Variants in SERINC5 observed in about 807,000 individuals in gnomAD.
SERINC5 encodes chromosome 5 open reading frame 12.
In SERINC5, 41 loss-of-function variants were observed where a neutral mutation model predicts 63.1. The observed-to-expected ratio is 0.65, with a 90% confidence interval of 0.51 to 0.84. The LOEUF is 0.84. SERINC5 is among the 40% of genes least tolerant of loss of function. The probability of loss-of-function intolerance (pLI) is 0.00; values close to 1 mark genes in which losing one functional copy is unlikely to be tolerated. For synonymous variants in SERINC5, 222 were observed against 215.2 expected (o/e 1.03, Z -0.28); for missense variants, 523 against 573.0 (o/e 0.91, Z 0.89).
chr5:80,202,742 G>A (rs1028008763), intron 2 of SERINC5, 144 bp downstream of exon 2: 5 of 641,848 alleles, frequency 7.8e-6, no homozygotes, highest in Non-Finnish European at 1.3e-5. Context: ...GGAAAGCATA[G>A]AGCAGGCTTC....
chr5:80,176,982 C>T (rs1748076850), intron 4 of SERINC5, among the ~76,000 whole-genome samples: 1 of 152,222 alleles, frequency 6.6e-6, no homozygotes, highest in African/African-American at 2.4e-5. Flanking sequence ...TCCTGTCCCA[C>T]TATCGCTGCA....
chr5:80,215,886 C>G (rs974783686), intron 1 of SERINC5, among the ~76,000 whole-genome samples: 1 of 152,126 alleles, frequency 6.6e-6, no homozygotes, highest in Non-Finnish European at 1.5e-5. Context: ...AAAGATGTTC[C>G]CCTTTTTTGG....
intron 1 of SERINC5, among the ~76,000 whole-genome samples, chr5:80,248,287 TGACTTGAAC>T (rs1752246823): frequency 1.3e-5 from 2 of 152,090 alleles, no homozygotes; most frequent in Non-Finnish European, 1.5e-5. Flanking sequence ...CAAATATAGG[TGACTTGAAC>T]GACTTGAACA....
At chr5:80,192,973 A>C (rs977452584) in intron 2 of SERINC5, among the ~76,000 whole-genome samples, 1 of 152,164 alleles carries the variant, frequency 6.6e-6, no homozygotes, top group African/African-American at 2.4e-5. Flanking sequence ...CTAGCATCAC[A>C]GGCTCCTTCC....
chr5:80,150,053 G>A lies in SERINC5; in HGVS notation c.1053+829C>T, dbSNP rs527246629. Among the ~76,000 whole-genome samples, 6 of 152,238 alleles carry A rather than the reference G, an allele frequency of 3.9e-5. No individual in the cohort carries two copies. The South Asian group carries it at 1.2e-3, about 32-fold the overall frequency. ...TCCATAACACTCTACCTGACAAAAC[G>A]CCCACCTGATGGAACTGACAAATGA... is the stretch of plus-strand genomic sequence containing the variant. On this transcript the variant is annotated intron_variant, in intron 9 of 11. Transcript: ENST00000507668.
At chr5:80,130,968 C>T (rs1744923801) in intron 11 of SERINC5, among the ~76,000 whole-genome samples, 1 of 152,076 alleles carries the variant, frequency 6.6e-6, no homozygotes, top group South Asian at 2.1e-4. Context: ...CTATAGAAAA[C>T]AATAAAGCAG....
At chr5:80,130,516 C>T (rs1446229803) in intron 11 of SERINC5, among the ~76,000 whole-genome samples, 1 of 152,168 alleles carries the variant, frequency 6.6e-6, no homozygotes, top group Non-Finnish European at 1.5e-5. Flanking sequence ...GTAATTACAT[C>T]TTCCCGGTTT....
chr5:80,139,243 A>T lies in SERINC5; in HGVS notation c.*4420T>A. On this transcript the variant is annotated 3_prime_UTR_variant, in exon 12 of 12. Transcript: ENST00000507668. ...GTAGTTTTCTTTTTGCAAAGTAAAA[A>T]GGCTTAAATCTTTAATAAAGGAAAA... The T allele has an allele frequency of 1.0e-6, 1 of 973,258 alleles. No homozygotes were observed. The highest frequency in any genetic ancestry group is 1.2e-6 in the Non-Finnish European group (1 of 818,888). 60.3% of individuals were successfully genotyped at this position (973,258 alleles called of 1,614,324 possible).
At chr5:80,203,631 G>A (rs913836421) in intron 1 of SERINC5, among the ~76,000 whole-genome samples, 1 of 152,098 alleles carries the variant, frequency 6.6e-6, no homozygotes, top group Non-Finnish European at 1.5e-5. Context: ...TTAGGTTGGT[G>A]CAAAAGTAAT....
chr5:80,212,296 T>G (rs2112516384), intron 1 of SERINC5, among the ~76,000 whole-genome samples: 1 of 152,164 alleles, frequency 6.6e-6, no homozygotes, highest in African/African-American at 2.4e-5. Flanking sequence ...TGCTGGGAGG[T>G]TATAGTACCA....
In SERINC5 at chr5:80,185,041, T is replaced by TA. The variant is rs533843844; in HGVS notation, c.196-6978dup. Among the ~76,000 whole-genome samples, 333 of 152,266 alleles carry TA rather than the reference T, an allele frequency of 2.2e-3. 5 individuals are homozygous for TA. Among genetic ancestry groups the TA allele is most frequent in the African/African-American group, 6.9e-3 (285 of 41,526 alleles). On this transcript the variant is annotated intron_variant, in intron 2 of 11. Coordinates refer to ENST00000507668, the MANE Select transcript of SERINC5 (RefSeq NM_001174072.3). ...ACAGGCATACACCACTATGCCCAGCTAATTTTTGTATTTTTAGTAGATGGG... is the reference window on the plus strand; with the variant it reads ...ACAGGCATACACCACTATGCCCAGCTAAATTTTTGTATTTTTAGTAGATGGG...
intron 2 of SERINC5, among the ~76,000 whole-genome samples, chr5:80,190,172 C>T (rs1749096084): frequency 7.0e-6 from 1 of 143,600 alleles, no homozygotes; most frequent in Non-Finnish European, 1.5e-5. Context: ...AGTGCAATGG[C>T]ACAATCTCGG....
At position 80,114,262 on chromosome 5, in the gene SERINC5, G is replaced by A. The variant is rs770036050; in HGVS notation, c.1239-637C>T. On this transcript the variant is annotated intron_variant, in intron 11 of 12. Coordinates refer to the SERINC5 transcript ENST00000509193. Reference sequence around the variant, plus strand: ...TTCTGCATGGCTGGGGAGGCCTCAGGAAACTTACAATCATGGCAGAAGGTG... The same window carrying A: ...TTCTGCATGGCTGGGGAGGCCTCAGAAAACTTACAATCATGGCAGAAGGTG... Among the ~76,000 whole-genome samples the A allele has an allele frequency of 1.6e-4, 24 of 152,016 alleles. 1 individual carries two copies. Among genetic ancestry groups the A allele is most frequent in the Non-Finnish European group, 2.8e-4 (19 of 68,036 alleles).
chr5:80,226,203 C>T (rs1309085256), intron 1 of SERINC5, among the ~76,000 whole-genome samples: 1 of 152,144 alleles, frequency 6.6e-6, no homozygotes, highest in Non-Finnish European at 1.5e-5. Context: ...AGTACAGGTG[C>T]ACACTATGAT....
rs1747297302 is a variant in SERINC5 at position 80,166,304 on chromosome 5, A to AT, written c.859+78dup. ...GCTCTCTATCTCCAAGGCCTCTCCA[A>AT]TATTTAAACAATAGCTCATTCCTCC... On this transcript the variant is annotated intron_variant, in intron 7 of 11. Coordinates refer to ENST00000507668, the MANE Select transcript of SERINC5 (RefSeq NM_001174072.3). The AT allele has an allele frequency of 2.9e-6, 3 of 1,033,936 alleles. No homozygotes were observed. The Admixed American group carries it at 6.2e-5, about 21-fold the overall frequency. The allele number at this position is 1,033,936 out of a possible 1,614,324, so 64.0% of individuals were successfully genotyped here.
intron 1 of SERINC5, among the ~76,000 whole-genome samples, chr5:80,207,443 C>A (rs1354608800): frequency 1.3e-5 from 2 of 152,188 alleles, no homozygotes; most frequent in African/African-American, 4.8e-5. Context: ...ATTATCTCCA[C>A]AGAGGGAAAA....
rs1282826542 is a variant in SERINC5, at chr5:80,166,431, C to T, written c.811G>A (p.Val271Ile). 5.0e-6 allele frequency: 8 copies of T among 1,596,448 alleles called. No homozygotes were observed. The highest frequency in any genetic ancestry group is 3.4e-5 in the South Asian group (3 of 87,564). ...AGAGCTGAGAAGGTGAGGTAGGTGA[C>T]ATAGCAGCTTATGACCCCTGATTGT... is the stretch of plus-strand genomic sequence containing the variant. ...LLQSGVISCY[V>I]TYLTFSALSS... The change falls in exon 7 of 12, where the codon GTC becomes ATC. Residue 271 changes from valine (V) to isoleucine (I), a missense_variant. Transcript: ENST00000507668.
intron 11 of SERINC5, among the ~76,000 whole-genome samples, chr5:80,118,159 C>A: frequency 6.6e-6 from 1 of 151,924 alleles, no homozygotes; most frequent in South Asian, 2.1e-4. Context: ...ACTGAGATCA[C>A]ACCATTGCAC....
At position 80,140,245 on chromosome 5, in the gene SERINC5, T is replaced by C; in HGVS notation, c.*3418A>G. On this transcript the variant is annotated 3_prime_UTR_variant, in exon 12 of 12. Transcript: ENST00000507668. The stretch of plus-strand genomic sequence containing the variant: ...GTCCTTGAGCCCAGGAGGTCAAGCC[T>C]GCCATGAGTCAAGATCATGTCACTG... 1 of 888,718 alleles carries C rather than the reference T, an allele frequency of 1.1e-6. No homozygotes were observed. The highest frequency in any genetic ancestry group is 2.1e-5 in the African/African-American group (1 of 47,456). 55.1% of individuals were successfully genotyped at this position (888,718 alleles called of 1,614,324 possible). A position where few individuals can be genotyped will look rare whatever the true frequency, so the allele number is the denominator to read the frequency against.
Sources: gnomAD v4.1 joint callset for allele counts (sites outside exome capture counted in the v4.1 genomes callset) on GRCh38, gnomAD v4.1.1 for gene constraint, MANE v1.5 for transcripts, NCBI Gene and HGNC (gene_info 2026-07-23, HGNC 2026-07-21) for gene names.